SH2D3C: variants seen among roughly 807,000 people sequenced by gnomAD.
The protein encoded by SH2D3C is SH2 domain containing 3C.
In SH2D3C, 25 loss-of-function variants were observed where a neutral mutation model predicts 75.2. The ratio of observed to expected loss-of-function variants is 0.33; its 90% confidence interval spans 0.24 to 0.46. SH2D3C has a LOEUF of 0.46. Ranked by LOEUF, SH2D3C falls within the 20% of genes least tolerant of loss-of-function variation. The pLI is 1.00. For missense variants in SH2D3C, 933 were observed against 1,165.3 expected (o/e 0.80, Z 2.90); for synonymous variants, 450 against 473.7 (o/e 0.95, Z 0.65).
Position 127,744,742 on chromosome 9 carries a change from G to A in SH2D3C, c.1622C>T (p.Thr541Ile), listed in dbSNP as rs755945078. Residue 541 changes from threonine (T) to isoleucine (I), a missense_variant, in exon 7 of 12, where the codon ACC becomes ATC. Physicochemically the swap from Thr to Ile is moderately conservative, Grantham distance 89. Transcript: ENST00000314830. The part of the protein sequence containing the change: ...NGAPEGDWGK[T>I]FTVPIVEVTS... ...GACTTCCACGATGGGGACTGTGAAGGTCTTGCCCCAGTCCCCTTCAGGGGC... is the reference window on the plus strand; with the variant it reads ...GACTTCCACGATGGGGACTGTGAAGATCTTGCCCCAGTCCCCTTCAGGGGC... 11 of 1,614,104 alleles carry A rather than the reference G, an allele frequency of 6.8e-6. No homozygotes were observed. In the African/African-American group the frequency reaches 1.3e-4, roughly 20 times the overall value.
At chr9:127,753,408 C>T (rs1272490837) in intron 3 of SH2D3C, among the ~76,000 whole-genome samples, 2 of 152,020 alleles carry the variant, frequency 1.3e-5, no homozygotes, top group Non-Finnish European at 2.9e-5. Context: ...TGGTGGTGGA[C>T]CCATGAAAAT....
At chr9:127,768,176 C>G (rs935116474) in intron 2 of SH2D3C, among the ~76,000 whole-genome samples, 2 of 152,218 alleles carry the variant, frequency 1.3e-5, no homozygotes, top group Non-Finnish European at 2.9e-5. Context: ...GACCCCCACC[C>G]CTGGTGGGTA....
At chr9:127,750,259 A>T (rs1588502265) in intron 4 of SH2D3C, among the ~76,000 whole-genome samples, 2 of 151,962 alleles carry the variant, frequency 1.3e-5, no homozygotes, top group South Asian at 4.2e-4. Flanking sequence ...GGTTCAAGTG[A>T]TTCTCCTGCC....
At position 127,762,250 on chromosome 9, in the gene SH2D3C, AG is replaced by A. The variant is rs1845546689; in HGVS notation, c.516-601del. On this transcript the variant is annotated intron_variant, in intron 2 of 11. Transcript: ENST00000314830. ...AGGGTGGAGAGCCTGGAGAGGCCAGAGGCCAGAGACGGCTGTTTTTCCTTCC... is the reference window on the plus strand; with the variant it reads ...AGGGTGGAGAGCCTGGAGAGGCCAGAGCCAGAGACGGCTGTTTTTCCTTCC... 1.1e-5 allele frequency: 14 copies of A among 1,223,786 alleles called. No individual in the cohort carries two copies. The South Asian group carries it at 2.0e-4, about 18-fold the overall frequency. 75.8% of individuals were successfully genotyped at this position (1,223,786 alleles called of 1,614,324 possible). A position where few individuals can be genotyped will look rare whatever the true frequency, so the allele number is the denominator to read the frequency against.
rs375485411 is a variant in SH2D3C at position 127,774,506 on chromosome 9, A to G, written c.38-39T>C. On this transcript the variant is annotated intron_variant, in intron 1 of 11. Coordinates refer to ENST00000314830, the MANE Select transcript of SH2D3C (RefSeq NM_170600.3). The surrounding 1 kb of genome is among the most constrained non-coding windows in gnomAD (Gnocchi z 4.3). The stretch of plus-strand genomic sequence containing the variant: ...AGGGAAGGAAAAGAAGTTAATGACA[A>G]TGTCAACATCAGTGATAATAATGAA... 88 of 996,594 alleles carry G rather than the reference A, an allele frequency of 8.8e-5. No individual in the cohort carries two copies. The highest frequency in any genetic ancestry group is 1.2e-4 in the Non-Finnish European group (73 of 626,710). 61.7% of individuals were successfully genotyped at this position (996,594 alleles called of 1,614,324 possible).
chr9:127,767,216 C>A lies in SH2D3C; in HGVS notation c.516-5566G>T, dbSNP rs1168570021. The stretch of plus-strand genomic sequence containing the variant: ...AGAAGGCAGAGCAGGGGCCATTCTT[C>A]CCAGAGCGGAGCTGAGGATGCTGGG... On this transcript the variant is annotated intron_variant, in intron 2 of 11. Coordinates refer to ENST00000314830, the MANE Select transcript of SH2D3C (RefSeq NM_170600.3). 4 of 1,518,990 alleles carry A rather than the reference C, an allele frequency of 2.6e-6. No homozygotes were observed. The East Asian group carries it at 7.4e-5, about 28-fold the overall frequency. The allele number at this position is 1,518,990 out of a possible 1,614,324, so 94.1% of individuals were successfully genotyped here.
intron 3 of SH2D3C, among the ~76,000 whole-genome samples, chr9:127,756,641 T>A: frequency 1.0e-5 from 1 of 99,928 alleles, no homozygotes; most frequent in Non-Finnish European, 2.0e-5. Context: ...AGGAGGGGGC[T>A]TTTTTTTTTT....
intron 2 of SH2D3C, among the ~76,000 whole-genome samples, chr9:127,766,149 G>C (rs1845630220): frequency 6.6e-6 from 1 of 152,184 alleles, no homozygotes; most frequent in Admixed American, 6.5e-5. Context: ...AGAAGGGGTG[G>C]GGAGAGGCTG....
intron 3 of SH2D3C, among the ~76,000 whole-genome samples, chr9:127,758,460 C>A (rs1845449550): frequency 6.6e-6 from 1 of 152,144 alleles, no homozygotes; most frequent in Non-Finnish European, 1.5e-5. Context: ...AGGGATCTCA[C>A]TACCTTACCA....
intron 8 of SH2D3C, 87 bp downstream of exon 8, chr9:127,742,762 G>C: frequency 1.0e-6 from 1 of 954,686 alleles, no homozygotes. Context: ...CCGAGCTGAG[G>C]CTGTGATTGG....
At chr9:127,745,455 CTTTTTTTT>C (rs1190107937) in intron 6 of SH2D3C, among the ~76,000 whole-genome samples, 3 of 109,554 alleles carry the variant, frequency 2.7e-5, no homozygotes, top group Admixed American at 8.9e-5. Flanking sequence ...TAATGATTTC[CTTTTTTTT>C]TTTTTTTTTT....
rs774862408 is a variant in SH2D3C, at chr9:127,740,303, C to T, written c.2155G>A (p.Glu719Lys). ...QRHTEGAILY[E>K]KKLKPFLKSL... ...TTGAGAAAAGGCTTGAGCTTCTTCT[C>T]GTACAGGATGGCACCCTCTGTGTGT... Residue 719 changes from glutamate to lysine, a missense_variant, in exon 10 of 12, where the codon GAG becomes AAG. Glu to Lys is a moderately conservative substitution (Grantham distance 56). Transcript: ENST00000314830. The T allele has an allele frequency of 8.7e-6, 14 of 1,614,036 alleles. No individual in the cohort carries two copies. The highest frequency in any genetic ancestry group is 5.3e-5 in the African/African-American group (4 of 74,926).
chr9:127,769,378 C>G (rs1845691237), intron 2 of SH2D3C, among the ~76,000 whole-genome samples: 1 of 152,160 alleles, frequency 6.6e-6, no homozygotes, highest in Admixed American at 6.5e-5. Flanking sequence ...TGCGGTGGCT[C>G]ACGCCTGTAA....
intron 2 of SH2D3C, chr9:127,762,389 T>G (rs1014871833): frequency 1.5e-5 from 17 of 1,168,904 alleles, no homozygotes; most frequent in Non-Finnish European, 2.0e-5. Context: ...GAAACCCAAC[T>G]ACCTCCTGGA....
At chr9:127,775,303 C>T (rs1234339001) in intron 1 of SH2D3C, among the ~76,000 whole-genome samples, 1 of 152,048 alleles carries the variant, frequency 6.6e-6, no homozygotes, top group Non-Finnish European at 1.5e-5. Flanking sequence ...AAACCAGCCT[C>T]GGCAACATAG....
intron 5 of SH2D3C, among the ~76,000 whole-genome samples, chr9:127,748,550 C>G (rs936375455): frequency 6.6e-6 from 1 of 152,196 alleles, no homozygotes; most frequent in African/African-American, 2.4e-5. Flanking sequence ...CGGCTTCCCC[C>G]CTCTAAGCCT....
At chr9:127,741,990 G>A in intron 8 of SH2D3C, 31 bp from the exon 9 acceptor site, 2 of 1,576,752 alleles carry the variant, frequency 1.3e-6, no homozygotes, top group Non-Finnish European at 1.7e-6. Flanking sequence ...GAGGCGGCGG[G>A]CTCGGGGACA....
At chr9:127,775,636 T>C (rs1009123862) in intron 1 of SH2D3C, among the ~76,000 whole-genome samples, 2 of 149,382 alleles carry the variant, frequency 1.3e-5, no homozygotes, top group African/African-American at 4.9e-5. Flanking sequence ...TCAAAATGAA[T>C]AAATAAATAA....
rs564951429 is a variant in SH2D3C, at chr9:127,738,881, C to T, written c.2448G>A (p.Thr816=). The T allele has an allele frequency of 3.3e-5, 52 of 1,597,358 alleles. No homozygotes were observed. In the South Asian group the frequency reaches 3.5e-4, roughly 11 times the overall value. ...CCCAGAGAAGGCGCATCTGGAACTC[C>T]GTGCTGAACACCTCCAGGAGCTCCG... ...ARPELLEVFS[T]EFQMRLLWGS... is the part of the protein sequence containing the mutation. The change falls in exon 12 of 12, where the codon ACG becomes ACA. Residue 816 remains threonine (T), a synonymous_variant. Transcript: ENST00000314830. The surrounding 1 kb of genome is among the most constrained non-coding windows in gnomAD (Gnocchi z 5.0).
Sources: allele counts gnomAD v4.1 joint callset (sites outside exome capture counted in the v4.1 genomes callset), GRCh38; gene constraint gnomAD v4.1.1; non-coding constraint Gnocchi (gnomAD v3.1); transcripts MANE v1.5; gene names NCBI Gene and HGNC (gene_info 2026-07-23, HGNC 2026-07-21).